Variants in ARHGEF26 observed in about 807,000 individuals in gnomAD.
ARHGEF26 encodes Rho guanine nucleotide exchange factor (GEF) 26.
ARHGEF26 carries 59 observed loss-of-function variants against 89.4 expected under a neutral mutation model. The observed-to-expected ratio is 0.66, with a 90% CI of 0.54 to 0.82. The LOEUF is 0.82. Ranked by LOEUF, ARHGEF26 falls within the 40% of genes least tolerant of loss-of-function variation. The pLI is 0.00. For missense variants in ARHGEF26, 1,234 were observed against 1,085.6 expected, an observed-to-expected ratio of 1.14 and a Z score of -1.92; for synonymous variants, 500 against 428.4, an observed-to-expected ratio of 1.17 and a Z score of -2.06.
chr3:154,156,016 G>T (rs1364572583), intron 6 of ARHGEF26, among the ~76,000 whole-genome samples: 1 of 151,944 alleles, frequency 6.6e-6, no homozygotes, highest in East Asian at 1.9e-4. Context: ...TATTTGAAAG[G>T]TAATTTATCA....
intron 9 of ARHGEF26, among the ~76,000 whole-genome samples, chr3:154,212,616 G>GGGT (rs1715447878): frequency 6.6e-6 from 1 of 151,262 alleles, no homozygotes; most frequent in African/African-American, 2.4e-5. Context: ...GGGGGTAGGT[G>GGGT]GGTGGTAGGT....
At chr3:154,145,254 T>G (rs2108082444) in intron 4 of ARHGEF26, among the ~76,000 whole-genome samples, 1 of 152,342 alleles carries the variant, frequency 6.6e-6, no homozygotes, top group Non-Finnish European at 1.5e-5. Context: ...GTGAAAGAAC[T>G]CTAGCTCACT....
chr3:154,230,950 C>G (rs1439145427), intron 11 of ARHGEF26, among the ~76,000 whole-genome samples: 1 of 152,054 alleles, frequency 6.6e-6, no homozygotes, highest in Non-Finnish European at 1.5e-5. Flanking sequence ...AGGTTCATGG[C>G]CTGGTTTGGT....
rs1718556952 is a variant in ARHGEF26 at position 154,256,912 on chromosome 3, A to C, written c.*1439A>C. ...TATCTTAATAGTCGGTTTCATGGAG[A>C]TGAAGGATGGGAGATTAAGAGGGGG... On this transcript the variant is annotated 3_prime_UTR_variant, in exon 15 of 15. Transcript: ENST00000465093. The C allele has an allele frequency of 2.0e-6, 3 of 1,534,944 alleles. No individual in the cohort carries two copies. Among genetic ancestry groups the C allele is most frequent in the Admixed American group, 3.9e-5 (2 of 50,922 alleles).
At chr3:154,167,224 C>T (rs1712099988) in intron 6 of ARHGEF26, among the ~76,000 whole-genome samples, 1 of 152,158 alleles carries the variant, frequency 6.6e-6, no homozygotes, top group South Asian at 2.1e-4. Context: ...AGGATGAGAG[C>T]ACCTACTGTG....
intron 8 of ARHGEF26, among the ~76,000 whole-genome samples, chr3:154,192,615 T>A (rs950677352): frequency 2.0e-5 from 3 of 152,168 alleles, no homozygotes; most frequent in African/African-American, 7.2e-5. Flanking sequence ...TTTTTTGAGA[T>A]CAGTATTTAT....
chr3:154,163,673 A>G (rs1308439391), intron 6 of ARHGEF26, among the ~76,000 whole-genome samples: 2 of 152,166 alleles, frequency 1.3e-5, no homozygotes, highest in African/African-American at 4.8e-5. Context: ...GAGACTTAAA[A>G]GCAAAGAGCA....
chr3:154,180,911 C>A (rs1350296010), intron 6 of ARHGEF26, among the ~76,000 whole-genome samples: 1 of 152,114 alleles, frequency 6.6e-6, no homozygotes, highest in East Asian at 1.9e-4. Context: ...CTGTTAGTCT[C>A]TGGTGAAGGA....
chr3:154,145,825 G>A (rs1433429208), intron 4 of ARHGEF26, among the ~76,000 whole-genome samples: 1 of 152,112 alleles, frequency 6.6e-6, no homozygotes, highest in Non-Finnish European at 1.5e-5. Flanking sequence ...GCAATTTGAG[G>A]GATCTATTTG....
chr3:154,157,279 C>G (rs1720392045), intron 6 of ARHGEF26, among the ~76,000 whole-genome samples: 1 of 152,080 alleles, frequency 6.6e-6, no homozygotes. Context: ...TTCTTGGGAC[C>G]CATGGTAGTT....
In ARHGEF26 at chr3:154,157,304, A is replaced by G. The variant is rs1727950; in HGVS notation, c.1487+4372A>G. The stretch of plus-strand genomic sequence containing the variant: ...CCATGGTAGTTGGCGAACACCTCCA[A>G]TGTATTTGCAGAGGCGTTTTAGGGC... On this transcript the variant is annotated intron_variant, in intron 6 of 14. Coordinates refer to ENST00000465093, the MANE Select transcript of ARHGEF26 (RefSeq NM_015595.4). 8.5e-4 allele frequency among the ~76,000 whole-genome samples: 130 copies of G among 152,134 alleles called. 1 individual carries two copies. The highest frequency in any genetic ancestry group is 1.5e-3 in the Non-Finnish European group (99 of 67,996).
At chr3:154,145,983 G>A (rs183585156) in intron 4 of ARHGEF26, among the ~76,000 whole-genome samples, 125 of 152,092 alleles carry the variant, frequency 8.2e-4, no homozygotes, top group African/African-American at 2.8e-3. Context: ...ATGGACTCAC[G>A]GTCTAAAGCT....
chr3:154,256,708 A>AAATT lies in ARHGEF26; in HGVS notation c.*1237_*1240dup, dbSNP rs543448114. 55 of 1,331,734 alleles carry AAATT rather than the reference A, an allele frequency of 4.1e-5. No homozygotes were observed. In the Admixed American group the frequency reaches 9.3e-4, roughly 23 times the overall value. 82.5% of individuals were successfully genotyped at this position (1,331,734 alleles called of 1,614,324 possible). A position where few individuals can be genotyped will look rare whatever the true frequency, so the allele number is the denominator to read the frequency against. On this transcript the variant is annotated 3_prime_UTR_variant, in exon 15 of 15. Coordinates refer to ENST00000465093, the MANE Select transcript of ARHGEF26 (RefSeq NM_015595.4). ...CACTACAGTAATCTCAAGGAAGGGA[A>AAATT]AATTAGGCCTTAAAAGATACCAAGA... is the stretch of plus-strand genomic sequence containing the variant.
chr3:154,190,932 G>A (rs941797265), intron 7 of ARHGEF26, among the ~76,000 whole-genome samples: 6 of 152,062 alleles, frequency 3.9e-5, no homozygotes, highest in East Asian at 3.9e-4. Context: ...ATAGATGATC[G>A]GATATAAAAG....
intron 6 of ARHGEF26, among the ~76,000 whole-genome samples, chr3:154,180,215 C>G (rs533846988): frequency 6.6e-6 from 1 of 152,216 alleles, no homozygotes; most frequent in South Asian, 2.1e-4. Flanking sequence ...TTAATTACTT[C>G]TATAAAATCA....
intron 4 of ARHGEF26, among the ~76,000 whole-genome samples, chr3:154,143,281 T>C (rs1310789841): frequency 6.6e-6 from 1 of 152,234 alleles, no homozygotes; most frequent in East Asian, 1.9e-4. Context: ...AGGATTGTCT[T>C]TTACGCAAAA....
chr3:154,134,743 A>G (rs1226210105), intron 4 of ARHGEF26, among the ~76,000 whole-genome samples: 2 of 150,204 alleles, frequency 1.3e-5, no homozygotes, highest in Admixed American at 6.6e-5. Context: ...ATTTTGAGGT[A>G]TTTTCCTTCA....
At chr3:154,154,805 G>A (rs1720228740) in intron 6 of ARHGEF26, among the ~76,000 whole-genome samples, 1 of 151,886 alleles carries the variant, frequency 6.6e-6, no homozygotes, top group African/African-American at 2.4e-5. Context: ...TAACTGTGTA[G>A]TAGTTTATTC....
rs563599817 is a variant in ARHGEF26 at position 154,170,647 on chromosome 3, A to T, written c.1488-17038A>T. 7.2e-5 allele frequency among the ~76,000 whole-genome samples: 11 copies of T among 152,340 alleles called. No individual in the cohort carries two copies. The East Asian group carries it at 1.7e-3, about 24-fold the overall frequency. On this transcript the variant is annotated intron_variant, in intron 6 of 14. Coordinates refer to ENST00000465093, the MANE Select transcript of ARHGEF26 (RefSeq NM_015595.4). ...CAGTCATGTGTGTAAAATGGAGATG[A>T]TACCACTAACTACTTCTTTGGGTTA...
Sources: allele counts gnomAD v4.1 joint callset (sites outside exome capture counted in the v4.1 genomes callset), GRCh38; gene constraint gnomAD v4.1.1; transcripts MANE v1.5; gene names NCBI Gene and HGNC (gene_info 2026-07-23, HGNC 2026-07-21).